TMT1A: variants seen among roughly 807,000 people sequenced by gnomAD.
The protein encoded by TMT1A is thiol methyltransferase 1A.
At chr12:50,929,944 G>A in the TMT1A span, 11 of 1,613,642 alleles carry the variant, frequency 6.8e-6, no homozygotes, top group African/African-American at 1.3e-5. Flanking sequence ...GGAGCATGTG[G>A]CAGCTGAGTG....
At chr12:50,925,476 G>C in the TMT1A span, 13 of 1,614,178 alleles carry the variant, frequency 8.1e-6, no homozygotes, top group Non-Finnish European at 1.1e-5. Context: ...GCACCCTGGT[G>C]CTGTGCTCTG....
At chr12:50,925,548 G>A in the TMT1A span, 1 of 1,609,300 alleles carries the variant, frequency 6.2e-7, no homozygotes, top group Non-Finnish European at 8.5e-7. Flanking sequence ...TGAGTGAAAG[G>A]GTGTGAGGAG....
the TMT1A span, among the ~76,000 whole-genome samples, chr12:50,926,043 A>AG: frequency 3.4e-5 from 5 of 145,088 alleles, no homozygotes; most frequent in South Asian, 2.2e-4. Context: ...AAAAAAAGAA[A>AG]GAAAGAAAAA....
the TMT1A span, chr12:50,925,236 G>A: frequency 1.1e-5 from 17 of 1,614,090 alleles, no homozygotes; most frequent in Non-Finnish European, 1.4e-5. Flanking sequence ...AGGAGTTTGC[G>A]GGCCCCTCCG....
At chr12:50,929,971 T>C in the TMT1A span, 2 of 1,614,070 alleles carry the variant, frequency 1.2e-6, no homozygotes, top group Non-Finnish European at 1.7e-6. Context: ...TTGGAATTAC[T>C]TCTGGCAACA....
At chr12:50,925,668 A>C in the TMT1A span, 1 of 1,111,300 alleles carries the variant, frequency 9.0e-7, no homozygotes, top group Non-Finnish European at 1.2e-6. Context: ...GAATTTTTTA[A>C]AATTTTAGCG....
the TMT1A span, among the ~76,000 whole-genome samples, chr12:50,926,299 C>A: frequency 1.4e-4 from 21 of 152,068 alleles, no homozygotes; most frequent in Non-Finnish European, 2.9e-4. Context: ...AAAGGAGATA[C>A]TAATTTTACC....
the TMT1A span, chr12:50,925,143 G>T: frequency 6.2e-7 from 1 of 1,614,140 alleles, no homozygotes; most frequent in South Asian, 1.1e-5. Flanking sequence ...GCAAAAAATG[G>T]TTCCCCTACT....
the TMT1A span, chr12:50,931,065 A>G: frequency 1.3e-5 from 2 of 148,310 alleles, no homozygotes; most frequent in African/African-American, 5.0e-5. Context: ...TATTTTATTC[A>G]TTGACTTGAA....
the TMT1A span, chr12:50,931,575 G>T: frequency 6.6e-6 from 1 of 151,584 alleles, no homozygotes; most frequent in Non-Finnish European, 1.5e-5. Context: ...GCCAGGCGTG[G>T]TGGTGGGTGC....
At chr12:50,928,711 G>A in the TMT1A span, among the ~76,000 whole-genome samples, 1 of 152,068 alleles carries the variant, frequency 6.6e-6, no homozygotes, top group Non-Finnish European at 1.5e-5. Context: ...ACACTCCCCA[G>A]CAATCTCATA....
At chr12:50,929,851 ATAAAT>A in the TMT1A span, 45 of 1,492,468 alleles carry the variant, frequency 3.0e-5, no homozygotes, top group African/African-American at 5.8e-4. Flanking sequence ...TTTTCAAAAA[ATAAAT>A]TAAAAAAGCA....
the TMT1A span, chr12:50,925,643 C>T: frequency 1.6e-6 from 2 of 1,264,392 alleles, no homozygotes; most frequent in Admixed American, 2.8e-5. Flanking sequence ...AAGTAAACTA[C>T]TAGAAAATAC....
At chr12:50,927,203 T>G in the TMT1A span, among the ~76,000 whole-genome samples, 2 of 152,114 alleles carry the variant, frequency 1.3e-5, no homozygotes, top group Non-Finnish European at 2.9e-5. Context: ...AGTTTTTGTA[T>G]TTTTGTAGAG....
chr12:50,926,499 T>C, the TMT1A span, among the ~76,000 whole-genome samples: 4 of 152,192 alleles, frequency 2.6e-5, no homozygotes, highest in Non-Finnish European at 4.4e-5. Flanking sequence ...TTAAGTAGAA[T>C]TTGTAATTGC....
At chr12:50,930,154 G>C in the TMT1A span, 1 of 1,592,216 alleles carries the variant, frequency 6.3e-7, no homozygotes, top group Non-Finnish European at 8.6e-7. Context: ...GAAATAGTGT[G>C]AGCTGGCAGT....
At chr12:50,929,996 C>T in the TMT1A span, 1 of 1,614,054 alleles carries the variant, frequency 6.2e-7, no homozygotes. Context: ...CTGGATCCTG[C>T]CTGGCACCTT....
chr12:50,929,898 T>A, the TMT1A span: 7 of 1,552,052 alleles, frequency 4.5e-6, no homozygotes, highest in African/African-American at 1.4e-5. Flanking sequence ...TGTTTTTTTT[T>A]TTCTTTCTTT....
At chr12:50,930,273 G>GT in the TMT1A span, 15 of 688,370 alleles carry the variant, frequency 2.2e-5, no homozygotes, top group Admixed American at 7.1e-5. Context: ...GTTTGTTGTT[G>GT]GTTTTTTTTT....
Sources: allele counts gnomAD v4.1 joint callset (sites outside exome capture counted in the v4.1 genomes callset), GRCh38; gene constraint gnomAD v4.1.1; transcripts MANE v1.5; gene names NCBI Gene and HGNC (gene_info 2026-07-23, HGNC 2026-07-21).